MACROD2: variants seen among roughly 807,000 people sequenced by gnomAD.
MACROD2 encodes the protein mono-ADP ribosylhydrolase 2.
A neutral mutation model predicts 70.4 loss-of-function variants in MACROD2; 36 were observed. The ratio of observed to expected loss-of-function variants is 0.51; its 90% confidence interval spans 0.39 to 0.68. MACROD2 has a LOEUF of 0.68. Among genes scored for constraint, MACROD2 ranks in the 30% least tolerant of loss-of-function variants. MACROD2 has a pLI of 0.00. For missense variants in MACROD2, 496 were observed against 538.4 expected (o/e 0.92, Z 0.78); for synonymous variants, 172 against 178.8 (o/e 0.96, Z 0.30).
chr20:14,495,884 A>G (rs2084847844), intron 4 of MACROD2, among the ~76,000 whole-genome samples: 1 of 152,222 alleles, frequency 6.6e-6, no homozygotes, highest in East Asian at 1.9e-4. Context: ...ATCATCATAA[A>G]GATAAATTAC....
intron 5 of MACROD2, among the ~76,000 whole-genome samples, chr20:15,137,281 T>TTG (rs2076156422): frequency 6.6e-6 from 1 of 151,940 alleles, no homozygotes; most frequent in African/African-American, 2.4e-5. Flanking sequence ...GCGGCACTAT[T>TTG]CACGATAGCA....
intron 5 of MACROD2, among the ~76,000 whole-genome samples, chr20:15,088,430 T>TAA (rs2075767632): frequency 2.9e-5 from 1 of 34,644 alleles, no homozygotes; most frequent in African/African-American, 8.0e-5. Context: ...TATATATATA[T>TAA]ATATATATAT....
intron 10 of MACROD2, among the ~76,000 whole-genome samples, chr20:15,906,284 A>G (rs1217426842): frequency 6.6e-6 from 1 of 152,254 alleles, no homozygotes; most frequent in Admixed American, 6.5e-5. Context: ...GCTGCATGCT[A>G]ACTAGATGCA....
intron 2 of MACROD2, among the ~76,000 whole-genome samples, chr20:14,037,745 G>C (rs2053333777): frequency 6.6e-6 from 1 of 152,142 alleles, no homozygotes; most frequent in South Asian, 2.1e-4. Flanking sequence ...GCTGGGTGCA[G>C]TGGCTCATGC....
intron 8 of MACROD2, among the ~76,000 whole-genome samples, chr20:15,775,219 C>G (rs2051701802): frequency 6.6e-6 from 1 of 152,068 alleles, no homozygotes; most frequent in South Asian, 2.1e-4. Context: ...TATGCCCCTT[C>G]CTGAGTCTCA....
At chr20:15,398,452 C>A (rs2045888052) in intron 6 of MACROD2, among the ~76,000 whole-genome samples, 1 of 152,078 alleles carries the variant, frequency 6.6e-6, no homozygotes, top group Non-Finnish European at 1.5e-5. Flanking sequence ...TATATGGGCA[C>A]AGGTAGGTGT....
At chr20:15,491,465 G>A (rs2047231214) in intron 7 of MACROD2, among the ~76,000 whole-genome samples, 1 of 152,198 alleles carries the variant, frequency 6.6e-6, no homozygotes, top group African/African-American at 2.4e-5. Flanking sequence ...GGGTTTGTGT[G>A]TAAGTTGTTA....
At chr20:15,091,940 T>C (rs573262391) in intron 5 of MACROD2, among the ~76,000 whole-genome samples, 1 of 152,300 alleles carries the variant, frequency 6.6e-6, no homozygotes, top group South Asian at 2.1e-4. Context: ...ATTGTATTTA[T>C]ATGTTTTTAA....
intron 8 of MACROD2, among the ~76,000 whole-genome samples, chr20:15,746,746 A>T (rs1454148065): frequency 6.6e-6 from 1 of 152,040 alleles, no homozygotes; most frequent in Non-Finnish European, 1.5e-5. Context: ...CATTTTCTGG[A>T]TCTATTGAGG....
At chr20:15,096,215 A>G (rs991914140) in intron 5 of MACROD2, among the ~76,000 whole-genome samples, 1 of 151,978 alleles carries the variant, frequency 6.6e-6, no homozygotes, top group Non-Finnish European at 1.5e-5. Flanking sequence ...AAAGAGTTTG[A>G]TTTGATTTCC....
intron 5 of MACROD2, among the ~76,000 whole-genome samples, chr20:15,025,523 A>G (rs182727707): frequency 7.8e-4 from 119 of 152,138 alleles, no homozygotes; most frequent in Middle Eastern, 3.4e-3. Context: ...CTACCCCTCT[A>G]CCTACTCCTT....
At chr20:14,142,869 T>C (rs1022116617) in intron 3 of MACROD2, among the ~76,000 whole-genome samples, 1 of 152,182 alleles carries the variant, frequency 6.6e-6, no homozygotes, top group Non-Finnish European at 1.5e-5. Flanking sequence ...TTTCTATTCA[T>C]TTGTGGCTTA....
chr20:15,366,753 G>A (rs2045415416), intron 6 of MACROD2, among the ~76,000 whole-genome samples: 1 of 151,610 alleles, frequency 6.6e-6, no homozygotes, highest in African/African-American at 2.4e-5. Context: ...TAGAGAAGGT[G>A]TCTTGCTATG....
Position 15,771,762 on chromosome 20 carries a change from C to T in MACROD2, c.646-90983C>T, listed in dbSNP as rs531985313. ...ACCTCTCTTGTTTACCAATATATGA[C>T]CCTATAATTACACATCTAAGATAGT... On this transcript the variant is annotated intron_variant, in intron 8 of 17. Coordinates refer to ENST00000684519, the MANE Select transcript of MACROD2 (RefSeq NM_001351661.2). Among the ~76,000 whole-genome samples the T allele has an allele frequency of 8.6e-5, 13 of 151,892 alleles. No individual in the cohort carries two copies. The East Asian group carries it at 2.5e-3, about 30-fold the overall frequency.
chr20:15,979,565 C>T (rs1383782925), intron 13 of MACROD2, among the ~76,000 whole-genome samples: 1 of 147,182 alleles, frequency 6.8e-6, no homozygotes, highest in Admixed American at 6.7e-5. Flanking sequence ...AGTCCAAGCT[C>T]CTCTGAATCT....
At chr20:14,884,846 G>A (rs1025022033) in intron 5 of MACROD2, among the ~76,000 whole-genome samples, 1 of 152,056 alleles carries the variant, frequency 6.6e-6, no homozygotes, top group Non-Finnish European at 1.5e-5. Flanking sequence ...AAAAACCTTG[G>A]TCTCCACAAC....
At chr20:14,337,690 G>T in intron 3 of MACROD2, 1 of 396,372 alleles carries the variant, frequency 2.5e-6, no homozygotes, top group South Asian at 1.3e-4. Context: ...TAGATGGGCA[G>T]GACTTAGCCA....
At chr20:13,999,306 A>T (rs2052702332) in intron 1 of MACROD2, among the ~76,000 whole-genome samples, 1 of 152,040 alleles carries the variant, frequency 6.6e-6, no homozygotes, top group Non-Finnish European at 1.5e-5. Flanking sequence ...TGCTGTTCTC[A>T]CTTTCCTTCT....
At chr20:15,922,364 T>C (rs943344651) in intron 10 of MACROD2, among the ~76,000 whole-genome samples, 6 of 152,232 alleles carry the variant, frequency 3.9e-5, no homozygotes, top group African/African-American at 1.2e-4. Flanking sequence ...CTTAACCCAA[T>C]AGATCAAAGT....
Sources: gnomAD v4.1 joint callset for allele counts (sites outside exome capture counted in the v4.1 genomes callset) on GRCh38, gnomAD v4.1.1 for gene constraint, MANE v1.5 for transcripts, NCBI Gene and HGNC (gene_info 2026-07-23, HGNC 2026-07-21) for gene names.